Variants in ZNF208 observed in about 807,000 individuals in gnomAD.
ZNF208 encodes zinc finger protein 208, also known as zinc finger protein 95.
In ZNF208, 10 loss-of-function variants were observed where a neutral mutation model predicts 12.1. The ratio of observed to expected loss-of-function variants is 0.83; its 90% confidence interval spans 0.51 to 1.40. The LOEUF is 1.40. Among genes scored for constraint, ZNF208 ranks in the 40% most tolerant of loss-of-function variants. The pLI, the probability that ZNF208 is intolerant of heterozygous loss-of-function variation, is 0.00. For missense variants in ZNF208, 1,652 were observed against 1,485.0 expected, an observed-to-expected ratio of 1.11 and a Z score of -1.85; for synonymous variants, 497 against 488.4, an observed-to-expected ratio of 1.02 and a Z score of -0.23.
intron 1 of ZNF208, among the ~76,000 whole-genome samples, chr19:22,008,552 G>GTT (rs199621503): frequency 0.016 from 2,365 of 145,922 alleles, 42 homozygotes; most frequent in African/African-American, 0.053. Flanking sequence ...ACTGGGGTCA[G>GTT]TTTTTTTTTT....
chr19:21,993,612 T>C (rs1970778150), intron 1 of ZNF208, among the ~76,000 whole-genome samples: 1 of 152,198 alleles, frequency 6.6e-6, no homozygotes, highest in African/African-American at 2.4e-5. Flanking sequence ...TCTGCAGGTA[T>C]GGAAAGGGTC....
chr19:21,999,807 GA>G (rs1249859809), intron 1 of ZNF208, among the ~76,000 whole-genome samples: 2 of 152,114 alleles, frequency 1.3e-5, no homozygotes, highest in Non-Finnish European at 1.5e-5. Context: ...TCAAAAAGCA[GA>G]AAAAATATAT....
chr19:21,952,386 CA>C (rs1969903324), intron 4 of ZNF208, among the ~76,000 whole-genome samples: 1 of 152,234 alleles, frequency 6.6e-6, no homozygotes, highest in African/African-American at 2.4e-5. Context: ...AACTGGGAGA[CA>C]CCTCCCAGTA....
chr19:21,986,801 A>G (rs554742109), intron 3 of ZNF208: 2 of 373,184 alleles, frequency 5.4e-6, no homozygotes, highest in East Asian at 3.8e-5. Flanking sequence ...AAAATGAACA[A>G]AAAAACCCCA....
chr19:22,003,010 A>G (rs1044882294), intron 1 of ZNF208, among the ~76,000 whole-genome samples: 1 of 152,172 alleles, frequency 6.6e-6, no homozygotes, highest in Non-Finnish European at 1.5e-5. Context: ...CTCATAGGTC[A>G]ATGCAACAGA....
chr19:21,973,874 T>A lies in ZNF208; in HGVS notation c.1160A>T (p.His387Leu). ...AYKWPSTLSY[H>L]KKIHTGEKPY... is the part of the protein sequence containing the mutation. ...TTTCTCTCCAGTATGAATTTTCTTA[T>A]GATAACTAAGGGTTGAGGGCCACTT... Residue 387 changes from histidine (H) to leucine (L), a missense_variant, in exon 4 of 4, where the codon CAT (histidine) becomes CTT (leucine). By Grantham distance (99) the His-to-Leu change is moderately conservative. Coordinates refer to ENST00000397126, the MANE Select transcript of ZNF208 (RefSeq NM_007153.3). 1 of 1,613,560 alleles carries A rather than the reference T, an allele frequency of 6.2e-7. No homozygotes were observed.
At chr19:21,984,073 A>G (rs1197182942) in intron 3 of ZNF208, among the ~76,000 whole-genome samples, 4 of 152,174 alleles carry the variant, frequency 2.6e-5, no homozygotes, top group Admixed American at 6.6e-5. Flanking sequence ...TGACAGAGGT[A>G]TAGAGAGCAC....
intron 1 of ZNF208, among the ~76,000 whole-genome samples, chr19:22,009,746 C>CAAA (rs567429006): frequency 8.3e-5 from 9 of 108,172 alleles, no homozygotes; most frequent in African/African-American, 1.9e-4. Flanking sequence ...GACTTGGTCT[C>CAAA]AAAAAAAAAA....
At chr19:21,954,274 G>T (rs1489936997) in intron 4 of ZNF208, among the ~76,000 whole-genome samples, 2 of 152,122 alleles carry the variant, frequency 1.3e-5, no homozygotes, top group Admixed American at 1.3e-4. Context: ...AATTTTGGAA[G>T]AAGTGTGATG....
intron 2 of ZNF208, among the ~76,000 whole-genome samples, chr19:21,987,693 C>T (rs547822980): frequency 1.3e-5 from 2 of 152,098 alleles, no homozygotes; most frequent in East Asian, 1.9e-4. Context: ...AGCTGCTCTC[C>T]GGTAAGTTAA....
At chr19:21,990,604 AAGT>A (rs1970715742) in intron 1 of ZNF208, among the ~76,000 whole-genome samples, 1 of 152,076 alleles carries the variant, frequency 6.6e-6, no homozygotes, top group Non-Finnish European at 1.5e-5. Flanking sequence ...ATGAATTTTA[AAGT>A]AGTTTTTTCC....
intron 3 of ZNF208, chr19:21,986,799 CA>C (rs992823153): frequency 8.1e-6 from 3 of 370,798 alleles, no homozygotes; most frequent in Non-Finnish European, 9.6e-6. Context: ...GAAAAATGAA[CA>C]AAAAAACCCC....
At chr19:21,983,312 C>T (rs1364154285) in intron 3 of ZNF208, among the ~76,000 whole-genome samples, 2 of 152,124 alleles carry the variant, frequency 1.3e-5, no homozygotes, top group Admixed American at 6.5e-5. Flanking sequence ...GAGATACCAT[C>T]TCATGCCAGT....
intron 4 of ZNF208, among the ~76,000 whole-genome samples, chr19:21,947,297 C>G (rs895152904): frequency 2.0e-5 from 3 of 152,182 alleles, no homozygotes; most frequent in Non-Finnish European, 4.4e-5. Context: ...CATGTGAAAG[C>G]TCAGCACTAT....
At chr19:21,980,544 AG>A (rs1970518842) in intron 3 of ZNF208, among the ~76,000 whole-genome samples, 1 of 152,220 alleles carries the variant, frequency 6.6e-6, no homozygotes, top group African/African-American at 2.4e-5. Context: ...ACAACACACC[AG>A]AATCTCCGGG....
rs373773330 is a variant in ZNF208, at chr19:21,972,586, C to G, written c.2448G>C (p.Lys816Asn). 9 of 1,612,866 alleles carry G rather than the reference C, an allele frequency of 5.6e-6. No homozygotes were observed. Among genetic ancestry groups the G allele is most frequent in the Non-Finnish European group, 7.6e-6 (9 of 1,179,750 alleles). The change falls in exon 4 of 4, where the codon AAG becomes AAC. Residue 816 changes from lysine to asparagine, a missense_variant. Around this residue, in one of 3 missense-constraint regions of ZNF208, gnomAD observed 1,239 missense variants for 1,086.2 expected, o/e 1.14. Transcript: ENST00000397126. Reference protein sequence around the residue: ...KCEECGKTFSKVSTLTTHKAI... With the variant: ...KCEECGKTFSNVSTLTTHKAI... ...CCTTATGTGTAGTAAGGGTTGAGAC[C>G]TTACTAAAGGTTTTGCCACATTCTT...
rs2188971 is a variant in ZNF208 at position 21,969,380 on chromosome 19, T to A, written c.*1811A>T. Among the ~76,000 whole-genome samples, 367 of 151,994 alleles carry A rather than the reference T, an allele frequency of 2.4e-3. 2 individuals carry two copies. The highest frequency in any genetic ancestry group is 8.1e-3 in the African/African-American group (335 of 41,438). On this transcript the variant is annotated 3_prime_UTR_variant, in exon 4 of 4. Coordinates refer to ENST00000397126, the MANE Select transcript of ZNF208 (RefSeq NM_007153.3). ...TAAAGTTATATACAAATAATTCTTCTTTTTGCCAACTTTAGTTTTGGATTT... is the reference window on the plus strand; with the variant it reads ...TAAAGTTATATACAAATAATTCTTCATTTTGCCAACTTTAGTTTTGGATTT...
At chr19:21,958,177 C>CAAAA (rs34068762) in intron 4 of ZNF208, among the ~76,000 whole-genome samples, 2 of 149,138 alleles carry the variant, frequency 1.3e-5, no homozygotes, top group Non-Finnish European at 3.0e-5. Flanking sequence ...TAGTTTCTAA[C>CAAAA]AAAAAAAAAA....
intron 1 of ZNF208, among the ~76,000 whole-genome samples, chr19:22,005,643 T>C (rs553282666): frequency 1.1e-4 from 16 of 152,286 alleles, no homozygotes; most frequent in African/African-American, 3.9e-4. Flanking sequence ...TCATCTATGC[T>C]TCTGACCTAC....
Sources: gnomAD v4.1 joint callset for allele counts (sites outside exome capture counted in the v4.1 genomes callset) on GRCh38, gnomAD v4.1.1 for gene constraint, gnomAD v4.1.1 regional missense constraint, MANE v1.5 for transcripts, NCBI Gene and HGNC (gene_info 2026-07-23, HGNC 2026-07-21) for gene names.